Variants in BUB3 observed in about 807,000 individuals in gnomAD.
The protein encoded by BUB3 is BUB3 mitotic checkpoint protein.
BUB3 carries 22 observed loss-of-function variants against 39.9 expected under a neutral mutation model. The ratio of observed to expected loss-of-function variants is 0.55; its 90% CI spans 0.39 to 0.79. The LOEUF (loss-of-function observed/expected upper bound fraction) is 0.79. Ranked by LOEUF, BUB3 falls within the 30% of genes least tolerant of loss-of-function variation. BUB3 has a pLI of 0.00. For missense variants in BUB3, 303 were observed against 415.4 expected, an observed-to-expected ratio of 0.73 and a Z score of 2.35; for synonymous variants, 168 against 155.1, an observed-to-expected ratio of 1.08 and a Z score of -0.62.
Position 123,165,160 on chromosome 10 carries a change from TTTCTG to T in BUB3, c.*1327_*1331del. On this transcript the variant is annotated 3_prime_UTR_variant, in exon 8 of 8. Transcript: ENST00000368865. Reference sequence around the variant, plus strand: ...TTAGAGTTACTGTGGATTTCTCTGTTTTCTGTCTTACAAGAAACTTGTCTATGTAC... The same window carrying T: ...TTAGAGTTACTGTGGATTTCTCTGTTTCTTACAAGAAACTTGTCTATGTAC... 7.2e-7 allele frequency: 1 copy of T among 1,397,276 alleles called. No homozygotes were observed. The highest frequency in any genetic ancestry group is 1.0e-6 in the Non-Finnish European group (1 of 996,006). 86.6% of individuals were successfully genotyped at this position (1,397,276 alleles called of 1,614,324 possible). A position where few individuals can be genotyped will look rare whatever the true frequency, so the allele number is the denominator to read the frequency against.
Position 123,170,194 on chromosome 10 carries a change from C to T in BUB3, c.*6359C>T, listed in dbSNP as rs996162023. 2 of 152,156 alleles carry T rather than the reference C, an allele frequency of 1.3e-5. No homozygotes were observed. Among genetic ancestry groups the T allele is most frequent in the Non-Finnish European group, 2.9e-5 (2 of 68,036 alleles). 9.4% of individuals were successfully genotyped at this position (152,156 alleles called of 1,614,324 possible). A position where few individuals can be genotyped will look rare whatever the true frequency, so the allele number is the denominator to read the frequency against. ...ACAGTGAGTTGAAAATATCTACTCT[C>T]TTTGGATGAAAAATATTTAACACTT... On this transcript the variant is annotated 3_prime_UTR_variant, in exon 8 of 8. Coordinates refer to ENST00000368865, the MANE Select transcript of BUB3 (RefSeq NM_004725.4).
At position 123,155,679 on chromosome 10, in the gene BUB3, G is replaced by A. The variant is rs1389336863; in HGVS notation, c.217G>A (p.Gly73Arg). Residue 73 changes from glycine (G) to arginine (R), a missense_variant, in exon 3 of 8, where the codon GGA becomes AGA. Around this residue, in one of 2 missense-constraint regions of BUB3, gnomAD observed 121 missense variants for 122.3 expected, o/e 0.99. Transcript: ENST00000368865. ...ATAGGATCCAACGCATGCCTGGAGTGGAGGACTAGATCATCAATTGAAAAT... is the reference window on the plus strand; with the variant it reads ...ATAGGATCCAACGCATGCCTGGAGTAGAGGACTAGATCATCAATTGAAAAT... ...AFYDPTHAWS[G>R]GLDHQLKMHD... is the part of the protein sequence containing the mutation. 6.2e-7 allele frequency: 1 copy of A among 1,613,988 alleles called. No individual in the cohort carries two copies. The highest frequency in any genetic ancestry group is 1.7e-5 in the Admixed American group (1 of 60,008).
chr10:123,166,309 A>G lies in BUB3; in HGVS notation c.*2474A>G, dbSNP rs2133573483. The G allele has an allele frequency of 6.6e-6, 1 of 152,316 alleles. No homozygotes were observed. The highest frequency in any genetic ancestry group is 2.4e-5 in the African/African-American group (1 of 41,540). 9.4% of individuals were successfully genotyped at this position (152,316 alleles called of 1,614,324 possible). ...CCTTAAGTCCTCCATCTAATAGAGT[A>G]GTGACTTTTGAACCTTGTAGTTGTG... On this transcript the variant is annotated 3_prime_UTR_variant, in exon 8 of 8. Coordinates refer to ENST00000368865, the MANE Select transcript of BUB3 (RefSeq NM_004725.4).
rs527692700 is a variant in BUB3 at position 123,162,089 on chromosome 10, T to C, written c.577-147T>C. ...CTTTTTAAAGTCGTCATAACCATGT[T>C]AGTACAGCCTAAACACTTCATTAAA... On this transcript the variant is annotated intron_variant, in intron 5 of 7. Transcript: ENST00000368865. 3 of 702,334 alleles carry C rather than the reference T, an allele frequency of 4.3e-6. No homozygotes were observed. In the South Asian group the frequency reaches 6.2e-5, roughly 15 times the overall value. 43.5% of individuals were successfully genotyped at this position (702,334 alleles called of 1,614,324 possible).
chr10:123,156,692 T>C (rs1474986951), intron 3 of BUB3, among the ~76,000 whole-genome samples: 1 of 152,076 alleles, frequency 6.6e-6, no homozygotes. Context: ...CATAGAGAAT[T>C]AGCTGTTTAT....
intron 4 of BUB3, among the ~76,000 whole-genome samples, chr10:123,159,672 A>T (rs1844395334): frequency 6.6e-6 from 1 of 152,254 alleles, no homozygotes; most frequent in Admixed American, 6.5e-5. Flanking sequence ...GAAAGACATT[A>T]TAAGGGGAAA....
In BUB3 at chr10:123,164,081, A is replaced by G. The variant is rs768573410; in HGVS notation, c.*246A>G. On this transcript the variant is annotated 3_prime_UTR_variant, in exon 8 of 8. Transcript: ENST00000368865. Reference sequence around the variant, plus strand: ...GGCAAACAAAATTGGAGGGCAAGTGACTGCAGTTTTGAGAATCAGTTTTGA... The same window carrying G: ...GGCAAACAAAATTGGAGGGCAAGTGGCTGCAGTTTTGAGAATCAGTTTTGA... 6.7e-6 allele frequency: 8 copies of G among 1,187,006 alleles called. No homozygotes were observed. The highest frequency in any genetic ancestry group is 8.3e-6 in the Non-Finnish European group (8 of 959,324). The allele number at this position is 1,187,006 out of a possible 1,614,324, so 73.5% of individuals were successfully genotyped here.
chr10:123,161,262 C>G (rs761209723), intron 5 of BUB3, among the ~76,000 whole-genome samples: 2 of 152,176 alleles, frequency 1.3e-5, no homozygotes, highest in Non-Finnish European at 1.5e-5. Flanking sequence ...GAAGGTGTCT[C>G]TGGTATCTTA....
At position 123,159,206 on chromosome 10, in the gene BUB3, A is replaced by G. The variant is rs546486533; in HGVS notation, c.418-1201A>G. Reference sequence around the variant, plus strand: ...AATTCCTTATTTTTCCCTTGGTCACATTAATTGTTGAATTTTAAGGCCAGA... The same window carrying G: ...AATTCCTTATTTTTCCCTTGGTCACGTTAATTGTTGAATTTTAAGGCCAGA... On this transcript the variant is annotated intron_variant, in intron 4 of 7. Transcript: ENST00000368865. Among the ~76,000 whole-genome samples the G allele has an allele frequency of 5.3e-5, 8 of 152,244 alleles. No homozygotes were observed. The South Asian group carries it at 1.2e-3, about 24-fold the overall frequency.
At position 123,160,531 on chromosome 10, in the gene BUB3, A is replaced by G; in HGVS notation, c.542A>G (p.Gln181Arg). Residue 181 changes from glutamine to arginine, a missense_variant, in exon 5 of 8, where the codon CAG becomes CGG. Physicochemically the swap from Gln to Arg is conservative, Grantham distance 43. Coordinates refer to ENST00000368865, the MANE Select transcript of BUB3 (RefSeq NM_004725.4). ...CGCAGGGAGTCCAGCCTGAAATACC[A>G]GACTCGCTGCATACGAGCGTTTCCA... is the stretch of plus-strand genomic sequence containing the variant. ...QQRRESSLKY[Q>R]TRCIRAFPNK... 1.9e-6 allele frequency: 3 copies of G among 1,610,346 alleles called. No individual in the cohort carries two copies. Among genetic ancestry groups the G allele is most frequent in the Admixed American group, 1.7e-5 (1 of 58,930 alleles).
At position 123,163,966 on chromosome 10, in the gene BUB3, G is replaced by T; in HGVS notation, c.*131G>T. 2 of 1,314,928 alleles carry T rather than the reference G, an allele frequency of 1.5e-6. No homozygotes were observed. The highest frequency in any genetic ancestry group is 2.0e-6 in the Non-Finnish European group (2 of 1,017,274). 81.5% of individuals were successfully genotyped at this position (1,314,928 alleles called of 1,614,324 possible). A position where few individuals can be genotyped will look rare whatever the true frequency, so the allele number is the denominator to read the frequency against. ...AATATTATAACAACCTGAAAATAAT[G>T]GAAAAGAGGTTTTTGAATTTTTTTT... On this transcript the variant is annotated 3_prime_UTR_variant, in exon 8 of 8. Transcript: ENST00000368865.
intron 4 of BUB3, among the ~76,000 whole-genome samples, chr10:123,159,911 A>T (rs1039278903): frequency 2.0e-5 from 3 of 152,212 alleles, no homozygotes; most frequent in African/African-American, 7.2e-5. Context: ...TGGGGAAAAA[A>T]AATCAAGATT....
Position 123,164,721 on chromosome 10 carries a change from G to A in BUB3, c.*886G>A, listed in dbSNP as rs1844466977. The stretch of plus-strand genomic sequence containing the variant: ...TTATGTCCATTTCAGTTGACCAGCC[G>A]CTGGTGATTAAAGTTAAAAAGAAAA... On this transcript the variant is annotated 3_prime_UTR_variant, in exon 8 of 8. Coordinates refer to ENST00000368865, the MANE Select transcript of BUB3 (RefSeq NM_004725.4). The A allele has an allele frequency of 9.4e-6, 10 of 1,061,456 alleles. No homozygotes were observed. The highest frequency in any genetic ancestry group is 1.0e-5 in the Non-Finnish European group (9 of 878,774). 65.8% of individuals were successfully genotyped at this position (1,061,456 alleles called of 1,614,324 possible).
intron 7 of BUB3, chr10:123,163,031 GTTT>G: frequency 1.8e-6 from 1 of 558,168 alleles, no homozygotes; most frequent in Non-Finnish European, 3.1e-6. Flanking sequence ...GTGCCTAGTT[GTTT>G]TGTAGAGAAG....
At chr10:123,157,618 C>T in intron 3 of BUB3, 111 bp from the exon 4 acceptor site, 6 of 1,294,730 alleles carry the variant, frequency 4.6e-6, no homozygotes, top group Non-Finnish European at 6.2e-6. Context: ...TTGGATGAGG[C>T]AAATTCATTA....
chr10:123,163,976 T>C lies in BUB3; in HGVS notation c.*141T>C. Reference sequence around the variant, plus strand: ...CAACCTGAAAATAATGGAAAAGAGGTTTTTGAATTTTTTTTTTTAAATAAA... The same window carrying C: ...CAACCTGAAAATAATGGAAAAGAGGCTTTTGAATTTTTTTTTTTAAATAAA... On this transcript the variant is annotated 3_prime_UTR_variant, in exon 8 of 8. Coordinates refer to ENST00000368865, the MANE Select transcript of BUB3 (RefSeq NM_004725.4). The C allele has an allele frequency of 7.6e-7, 1 of 1,318,158 alleles. No individual in the cohort carries two copies. The highest frequency in any genetic ancestry group is 9.8e-7 in the Non-Finnish European group (1 of 1,023,456). The allele number at this position is 1,318,158 out of a possible 1,614,324, so 81.7% of individuals were successfully genotyped here. A position where few individuals can be genotyped will look rare whatever the true frequency, so the allele number is the denominator to read the frequency against.
intron 7 of BUB3, chr10:123,163,035 T>G: frequency 1.8e-6 from 1 of 553,856 alleles, no homozygotes; most frequent in Non-Finnish European, 3.1e-6. Flanking sequence ...CTAGTTGTTT[T>G]GTAGAGAAGA....
Position 123,163,933 on chromosome 10 carries a change from T to C in BUB3, c.*98T>C, listed in dbSNP as rs777005250. On this transcript the variant is annotated 3_prime_UTR_variant, in exon 8 of 8. Transcript: ENST00000368865. Reference sequence around the variant, plus strand: ...ACTATTAAAGAAACCAGGGAAAATATTAATTTTAATATTATAACAACCTGA... The same window carrying C: ...ACTATTAAAGAAACCAGGGAAAATACTAATTTTAATATTATAACAACCTGA... 8.8e-6 allele frequency: 12 copies of C among 1,368,968 alleles called. No homozygotes were observed. The highest frequency in any genetic ancestry group is 3.2e-5 in the Admixed American group (1 of 31,366). 84.8% of individuals were successfully genotyped at this position (1,368,968 alleles called of 1,614,324 possible).
At chr10:123,155,521 T>G (rs767635619) in intron 2 of BUB3, 137 bp from the exon 3 acceptor site, 76 of 771,596 alleles carry the variant, frequency 9.8e-5, no homozygotes, top group Non-Finnish European at 1.4e-4. Context: ...TTTTATGCTG[T>G]TTTTTGGTTT....
Sources: allele counts gnomAD v4.1 joint callset (sites outside exome capture counted in the v4.1 genomes callset), GRCh38; gene constraint gnomAD v4.1.1; regional missense constraint gnomAD v4.1.1; transcripts MANE v1.5; gene names NCBI Gene and HGNC (gene_info 2026-07-23, HGNC 2026-07-21).